The following FAM117A variants were observed in gnomAD, a reference collection of about 807,000 sequenced individuals.
The protein encoded by FAM117A is protein FAM117A.
Under a neutral mutation model 44.1 loss-of-function variants are expected in FAM117A, and 21 were observed. The observed-to-expected ratio is 0.48, with a 90% CI of 0.34 to 0.69. FAM117A has a LOEUF of 0.69. FAM117A is among the 30% of genes least tolerant of loss of function. The probability of loss-of-function intolerance (pLI) is 0.01; values close to 1 mark genes in which losing one functional copy is unlikely to be tolerated. For synonymous variants in FAM117A, 220 were observed against 238.3 expected (o/e 0.92, Z 0.71); for missense variants, 498 against 589.9 (o/e 0.84, Z 1.61).
intron 1 of FAM117A, among the ~76,000 whole-genome samples, chr17:49,746,045 G>A (rs1338827127): frequency 3.3e-5 from 5 of 152,298 alleles, no homozygotes; most frequent in Non-Finnish European, 7.3e-5. Context: ...TTATTCTCAG[G>A]AGATGCCACT....
intron 1 of FAM117A, among the ~76,000 whole-genome samples, chr17:49,751,943 C>CAAAAAAAAA (rs71146933): frequency 1.8e-5 from 1 of 56,958 alleles, no homozygotes; most frequent in African/African-American, 9.0e-5. Context: ...GACTCCATCT[C>CAAAAAAAAA]AAAAAAAAAA....
intron 1 of FAM117A, among the ~76,000 whole-genome samples, chr17:49,758,595 T>C (rs1443590747): frequency 1.4e-5 from 2 of 146,106 alleles, no homozygotes; most frequent in Admixed American, 7.1e-5. Context: ...TTGCGCTCCA[T>C]CCTGGGTGAC....
chr17:49,723,036 A>C (rs575202395), intron 2 of FAM117A, among the ~76,000 whole-genome samples: 68 of 152,218 alleles, frequency 4.5e-4, no homozygotes, highest in African/African-American at 1.5e-3. Flanking sequence ...AAAACAAGTT[A>C]ATATATAGGA....
intron 3 of FAM117A, among the ~76,000 whole-genome samples, chr17:49,721,518 C>T (rs549863511): frequency 6.6e-6 from 1 of 152,334 alleles, no homozygotes; most frequent in South Asian, 2.1e-4. Context: ...TCCCCCTTGT[C>T]TTAAGCTCTC....
At chr17:49,737,955 G>T (rs2073617897) in intron 1 of FAM117A, among the ~76,000 whole-genome samples, 1 of 152,184 alleles carries the variant, frequency 6.6e-6, no homozygotes, top group South Asian at 2.1e-4. Context: ...TAGACACCTG[G>T]AGGATGAATT....
intron 3 of FAM117A, among the ~76,000 whole-genome samples, chr17:49,720,637 AACT>A (rs2073529849): frequency 6.6e-6 from 1 of 152,212 alleles, no homozygotes; most frequent in African/African-American, 2.4e-5. Context: ...TACCTCACTT[AACT>A]AGATGGATTG....
intron 7 of FAM117A, among the ~76,000 whole-genome samples, chr17:49,715,911 T>C (rs773676606): frequency 1.9e-4 from 29 of 152,210 alleles, no homozygotes; most frequent in African/African-American, 6.8e-4. Flanking sequence ...GTTTCAGATA[T>C]ATTTTCTTTC....
At chr17:49,742,125 C>T (rs2073636950) in intron 1 of FAM117A, among the ~76,000 whole-genome samples, 1 of 151,990 alleles carries the variant, frequency 6.6e-6, no homozygotes, top group South Asian at 2.1e-4. Context: ...ATAAGACTAC[C>T]CCAAATGAAA....
At chr17:49,784,013 A>C (rs554680934) in intron 1 of FAM117A, among the ~76,000 whole-genome samples, 1 of 152,322 alleles carries the variant, frequency 6.6e-6, no homozygotes, top group East Asian at 1.9e-4. Context: ...CCAATTACTA[A>C]GCCCTTTTGG....
chr17:49,764,094 C>T lies in FAM117A; in HGVS notation c.-7G>A. 1.6e-6 allele frequency: 2 copies of T among 1,262,822 alleles called. No homozygotes were observed. The highest frequency in any genetic ancestry group is 1.0e-6 in the Non-Finnish European group (1 of 998,776). 78.2% of individuals were successfully genotyped at this position (1,262,822 alleles called of 1,614,324 possible). A position where few individuals can be genotyped will look rare whatever the true frequency, so the allele number is the denominator to read the frequency against. ...CCGCTGCGGCCCCCGCCATGGCTCT[C>T]CCGGCTGCCTGCCTCAGCCCCACTG... On this transcript the variant is annotated 5_prime_UTR_variant, in exon 1 of 8. Coordinates refer to ENST00000240364, the MANE Select transcript of FAM117A (RefSeq NM_030802.4).
chr17:49,721,640 G>A (rs565771407), intron 3 of FAM117A, among the ~76,000 whole-genome samples: 1 of 152,224 alleles, frequency 6.6e-6, no homozygotes, highest in Non-Finnish European at 1.5e-5. Context: ...CTCAGAAGCT[G>A]CCACACAGCA....
At position 49,719,764 on chromosome 17, in the gene FAM117A, A is replaced by C. The variant is rs536390470; in HGVS notation, c.704T>G (p.Leu235Arg). The C allele has an allele frequency of 6.3e-7, 1 of 1,580,646 alleles. No individual in the cohort carries two copies. The highest frequency in any genetic ancestry group is 1.4e-5 in the African/African-American group (1 of 72,722). ...FVKEQGEEEL[L>R]RILDIPDGHR... ...CAGGGTGCAGCCGCCACTCACCCTC[A>C]GCAGCTCCTCTTCTCCCTGCTCCTT... The change falls in exon 5 of 8, where the codon CTG (leucine) becomes CGG (arginine). Residue 235 changes from leucine (L) to arginine (R), a missense_variant. Around this residue, in one of 3 missense-constraint regions of FAM117A, gnomAD observed 224 missense variants for 296.5 expected, o/e 0.76. Coordinates refer to ENST00000240364, the MANE Select transcript of FAM117A (RefSeq NM_030802.4).
At chr17:49,718,991 C>T (rs749114344) in intron 5 of FAM117A, among the ~76,000 whole-genome samples, 49 of 149,006 alleles carry the variant, frequency 3.3e-4, no homozygotes, top group Non-Finnish European at 6.1e-4. Flanking sequence ...AAAAAAAGGC[C>T]GGTGGCTCAC....
upstream of FAM117A, chr17:49,765,772 A>G (rs1043627760): frequency 9.2e-5 from 14 of 152,066 alleles, no homozygotes; most frequent in African/African-American, 3.4e-4. Flanking sequence ...TCTTTATAAG[A>G]TTAATTAACT....
chr17:49,724,643 G>T (rs1307542450), intron 2 of FAM117A: 1 of 360,652 alleles, frequency 2.8e-6, no homozygotes, highest in Non-Finnish European at 5.5e-6. Flanking sequence ...GACCAGCCTG[G>T]CAAACATGGT....
At chr17:49,747,813 A>G (rs1402501576) in intron 1 of FAM117A, among the ~76,000 whole-genome samples, 1 of 152,140 alleles carries the variant, frequency 6.6e-6, no homozygotes, top group East Asian at 1.9e-4. Context: ...AAGAACCCCA[A>G]AGTGCACTGG....
intron 5 of FAM117A, chr17:49,719,512 C>T (rs1234071343): frequency 5.3e-6 from 2 of 374,990 alleles, no homozygotes; most frequent in East Asian, 4.6e-5. Flanking sequence ...GCGGGGGGGC[C>T]TCCTCTCTGC....
intron 1 of FAM117A, among the ~76,000 whole-genome samples, chr17:49,758,890 GTTC>G (rs892995321): frequency 1.8e-4 from 28 of 152,128 alleles, no homozygotes; most frequent in African/African-American, 6.8e-4. Context: ...TGCTCTAACA[GTTC>G]TTCTAAGATC....
chr17:49,716,434 G>A (rs1343233043), intron 6 of FAM117A, 119 bp from the exon 7 acceptor site: 20 of 860,384 alleles, frequency 2.3e-5, no homozygotes, highest in Middle Eastern at 2.6e-4. Flanking sequence ...AGAGGGTAGC[G>A]GGTGTGCTTA....
Sources: allele counts gnomAD v4.1 joint callset (sites outside exome capture counted in the v4.1 genomes callset), GRCh38; gene constraint gnomAD v4.1.1; regional missense constraint gnomAD v4.1.1; transcripts MANE v1.5; gene names NCBI Gene and HGNC (gene_info 2026-07-23, HGNC 2026-07-21).